LRMDA: variants seen among roughly 807,000 people sequenced by gnomAD.
LRMDA encodes leucine rich melanocyte differentiation associated.
LRMDA carries 18 observed loss-of-function variants against 29.8 expected under a neutral mutation model. The observed-to-expected ratio is 0.60, with a 90% CI of 0.42 to 0.90. The LOEUF (loss-of-function observed/expected upper bound fraction) is 0.90, where lower values mean the gene tolerates loss of function less well. LRMDA is among the 40% of genes least tolerant of loss of function. The pLI is 0.00. For missense variants in LRMDA, 273 were observed against 273.9 expected (o/e 1.00, Z 0.02); for synonymous variants, 125 against 109.4 (o/e 1.14, Z -0.89).
At chr10:76,146,278 G>A (rs1384429963) in intron 5 of LRMDA, among the ~76,000 whole-genome samples, 1 of 151,900 alleles carries the variant, frequency 6.6e-6, no homozygotes, top group African/African-American at 2.4e-5. Flanking sequence ...TCTGTCTAAT[G>A]TTGACAGTGG....
intron 6 of LRMDA, among the ~76,000 whole-genome samples, chr10:76,443,231 TA>T (rs1842321686): frequency 6.6e-6 from 1 of 152,092 alleles, no homozygotes; most frequent in Non-Finnish European, 1.5e-5. Flanking sequence ...AACATGAACA[TA>T]TTTGTTTGGT....
intron 2 of LRMDA, among the ~76,000 whole-genome samples, chr10:75,880,824 C>G (rs932281695): frequency 5.0e-4 from 76 of 152,166 alleles, no homozygotes; most frequent in Non-Finnish European, 8.8e-4. Context: ...AGATAAAGGC[C>G]GTTAGTGGAG....
intron 2 of LRMDA, among the ~76,000 whole-genome samples, chr10:75,898,531 TG>T (rs1845620447): frequency 6.6e-6 from 1 of 152,038 alleles, no homozygotes; most frequent in African/African-American, 2.4e-5. Context: ...GCCAGTGCTT[TG>T]CCTGCCGGGA....
rs879370739 is a variant in LRMDA, at chr10:75,436,471, AT to A, written c.31-1908del. ...CGTACAATACAGAAGAAGCTGCTGA[AT>A]TTTTTTTTTTTTTTGAGACAAGTCT... On this transcript the variant is annotated intron_variant, in intron 1 of 6. Coordinates refer to ENST00000611255, the MANE Select transcript of LRMDA (RefSeq NM_001305581.2). Among the ~76,000 whole-genome samples the A allele has an allele frequency of 6.5e-3, 933 of 143,344 alleles. 4 individuals are homozygous for A. Among genetic ancestry groups the A allele is most frequent in the African/African-American group, 9.0e-3 (353 of 39,264 alleles). 94.0% of individuals were successfully genotyped at this position (143,344 alleles called of 152,430 possible). A position where few individuals can be genotyped will look rare whatever the true frequency, so the allele number is the denominator to read the frequency against.
At chr10:75,867,263 A>G (rs1043213750) in intron 2 of LRMDA, among the ~76,000 whole-genome samples, 1 of 152,134 alleles carries the variant, frequency 6.6e-6, no homozygotes, top group Non-Finnish European at 1.5e-5. Flanking sequence ...CCTAGGTTCA[A>G]GCGATTCTCC....
intron 2 of LRMDA, among the ~76,000 whole-genome samples, chr10:76,034,681 C>T (rs1007685382): frequency 3.3e-5 from 5 of 152,204 alleles, no homozygotes; most frequent in East Asian, 3.8e-4. Context: ...TGCTGAAGTT[C>T]ACACTCACAG....
intron 2 of LRMDA, among the ~76,000 whole-genome samples, chr10:75,769,929 G>A (rs1364616138): frequency 6.6e-6 from 1 of 152,120 alleles, no homozygotes; most frequent in African/African-American, 2.4e-5. Flanking sequence ...GTTGCAGTGA[G>A]CCAAGAGTGC....
chr10:76,548,071 A>C (rs1843443478), intron 6 of LRMDA, among the ~76,000 whole-genome samples: 2 of 152,210 alleles, frequency 1.3e-5, no homozygotes. Flanking sequence ...AATGAATTTG[A>C]AAAGTAAGCG....
At chr10:75,685,113 AATACAG>A (rs1348194791) in intron 2 of LRMDA, among the ~76,000 whole-genome samples, 1 of 152,214 alleles carries the variant, frequency 6.6e-6, no homozygotes, top group Non-Finnish European at 1.5e-5. Context: ...GAGTTCAGAT[AATACAG>A]ATACTGATTT....
At chr10:76,152,798 T>C (rs1051307453) in intron 5 of LRMDA, among the ~76,000 whole-genome samples, 1 of 152,160 alleles carries the variant, frequency 6.6e-6, no homozygotes, top group Non-Finnish European at 1.5e-5. Flanking sequence ...CATGTGCTCT[T>C]TGATTATTTG....
intron 6 of LRMDA, among the ~76,000 whole-genome samples, chr10:76,367,046 G>A (rs1393832970): frequency 1.3e-5 from 2 of 152,084 alleles, no homozygotes; most frequent in African/African-American, 4.8e-5. Context: ...TTTATGTGGG[G>A]TATCACATTT....
intron 2 of LRMDA, among the ~76,000 whole-genome samples, chr10:75,771,152 A>G (rs1260146391): frequency 6.6e-6 from 1 of 152,134 alleles, no homozygotes; most frequent in Non-Finnish European, 1.5e-5. Flanking sequence ...TTCAGTCTCA[A>G]ATGATCCAAG....
intron 5 of LRMDA, among the ~76,000 whole-genome samples, chr10:76,060,837 T>C (rs926095875): frequency 6.6e-6 from 1 of 152,210 alleles, no homozygotes; most frequent in Non-Finnish European, 1.5e-5. Context: ...TCCCAATTAG[T>C]TTCTAATCAA....
At chr10:75,463,887 G>C (rs979466265) in intron 2 of LRMDA, among the ~76,000 whole-genome samples, 2 of 152,056 alleles carry the variant, frequency 1.3e-5, no homozygotes, top group African/African-American at 4.8e-5. Flanking sequence ...GGCTGATCTC[G>C]AACTCCTGAC....
At chr10:76,281,459 T>C (rs1054319683) in intron 5 of LRMDA, among the ~76,000 whole-genome samples, 1 of 152,156 alleles carries the variant, frequency 6.6e-6, no homozygotes, top group Non-Finnish European at 1.5e-5. Context: ...TTGAAAACCC[T>C]AATTCTATAT....
chr10:76,363,176 A>AAAAAGAAAGAAAGAAAGGAG (rs1841339187), intron 6 of LRMDA, among the ~76,000 whole-genome samples: 6 of 21,794 alleles, frequency 2.8e-4, no homozygotes, highest in African/African-American at 8.7e-4. Flanking sequence ...AAAGAAAGAA[A>AAAAAGAAAGAAAGAAAGGAG]GGAGGGAGGG....
At chr10:75,918,448 G>A (rs1161043402) in intron 2 of LRMDA, among the ~76,000 whole-genome samples, 3 of 152,024 alleles carry the variant, frequency 2.0e-5, no homozygotes, top group African/African-American at 2.4e-5. Flanking sequence ...AGGAGCGAGC[G>A]AGAGAGAGGA....
At chr10:75,477,996 G>A (rs1844815186) in intron 2 of LRMDA, among the ~76,000 whole-genome samples, 1 of 152,230 alleles carries the variant, frequency 6.6e-6, no homozygotes, top group Non-Finnish European at 1.5e-5. Flanking sequence ...AGGCAGCTGT[G>A]TCACTGCCAC....
At chr10:76,529,839 C>G (rs1843215413) in intron 6 of LRMDA, among the ~76,000 whole-genome samples, 2 of 152,146 alleles carry the variant, frequency 1.3e-5, no homozygotes, top group Admixed American at 6.6e-5. Flanking sequence ...AAAAAGGTCA[C>G]TAATTTCTGA....
Sources: gnomAD v4.1 joint callset for allele counts (sites outside exome capture counted in the v4.1 genomes callset) on GRCh38, gnomAD v4.1.1 for gene constraint, MANE v1.5 for transcripts, NCBI Gene and HGNC (gene_info 2026-07-23, HGNC 2026-07-21) for gene names.